LHPP: variants seen among roughly 807,000 people sequenced by gnomAD.
LHPP encodes hLHPP.
A neutral mutation model predicts 30.3 loss-of-function variants in LHPP; 24 were observed. That is an observed-to-expected ratio of 0.79 (90% CI 0.57 to 1.11). The LOEUF (loss-of-function observed/expected upper bound fraction) is 1.11, where lower values mean the gene tolerates loss of function less well. LHPP is among the 50% of genes most tolerant of loss of function. The probability of loss-of-function intolerance (pLI) is 0.00; values close to 1 mark genes in which losing one functional copy is unlikely to be tolerated. For missense variants in LHPP, 356 were observed against 367.2 expected (o/e 0.97, Z 0.25); for synonymous variants, 150 against 157.1 (o/e 0.95, Z 0.34).
At chr10:124,486,957 A>G (rs944054941) in intron 2 of LHPP, among the ~76,000 whole-genome samples, 2 of 152,220 alleles carry the variant, frequency 1.3e-5, no homozygotes, top group Admixed American at 6.5e-5. Context: ...GGTTTGAGCA[A>G]CCTAGTCCTG....
intron 1 of LHPP, among the ~76,000 whole-genome samples, chr10:124,474,337 G>A (rs891633087): frequency 2.0e-5 from 3 of 151,722 alleles, no homozygotes; most frequent in African/African-American, 7.3e-5. Flanking sequence ...ACAAGGTTTT[G>A]CCACGTTGCC....
rs1447397422 is a variant in LHPP at position 124,510,494 on chromosome 10, C to A, written c.625-6686C>A. Among the ~76,000 whole-genome samples the A allele has an allele frequency of 6.6e-6, 1 of 152,190 alleles. No individual in the cohort carries two copies. The highest frequency in any genetic ancestry group is 1.5e-5 in the Non-Finnish European group (1 of 68,022). On this transcript the variant is annotated intron_variant, in intron 5 of 6. Coordinates refer to ENST00000368842, the MANE Select transcript of LHPP (RefSeq NM_022126.4). The surrounding 1 kb of genome is among the most constrained non-coding windows in gnomAD (Gnocchi z 4.0). Reference sequence around the variant, plus strand: ...CTCGCTTTATCCCGCAGAACCTCCACGCTGTTCCTGCATGAGAACTCTTCC... The same window carrying A: ...CTCGCTTTATCCCGCAGAACCTCCAAGCTGTTCCTGCATGAGAACTCTTCC...
At chr10:124,528,721 C>G (rs1954807725) in intron 6 of LHPP, among the ~76,000 whole-genome samples, 1 of 152,220 alleles carries the variant, frequency 6.6e-6, no homozygotes, top group Non-Finnish European at 1.5e-5. Context: ...CCAACCCTGT[C>G]CTCTGTTAGT....
rs1295645433 is a variant in LHPP, at chr10:124,543,795, A to G, written c.716+26524A>G. 1.3e-4 allele frequency among the ~76,000 whole-genome samples: 19 copies of G among 151,978 alleles called. No individual in the cohort carries two copies. In the East Asian group the frequency reaches 3.5e-3, roughly 28 times the overall value. ...AATTAATATATTTTTTTTTCTGATA[A>G]TATAAGAAATGCATGCCTTCTTTGG... On this transcript the variant is annotated intron_variant, in intron 6 of 6. Coordinates refer to ENST00000368842, the MANE Select transcript of LHPP (RefSeq NM_022126.4).
intron 6 of LHPP, among the ~76,000 whole-genome samples, chr10:124,588,906 G>C (rs1461812069): frequency 6.6e-6 from 1 of 152,236 alleles, no homozygotes; most frequent in Non-Finnish European, 1.5e-5. Context: ...GAGGAAGGAA[G>C]GGCAAAGGTT....
chr10:124,561,958 G>A (rs1028908147), intron 6 of LHPP, among the ~76,000 whole-genome samples: 2 of 152,160 alleles, frequency 1.3e-5, no homozygotes, highest in Non-Finnish European at 2.9e-5. Flanking sequence ...GCTTCAACCA[G>A]CAATTGCAAA....
chr10:124,497,046 C>T lies in LHPP; in HGVS notation c.531+22C>T, dbSNP rs769052924. ...TGAGGTACCAGCCCTGGTTCTGTCC[C>T]AAACTCTCTTCAGACCTCAGGGCAC... is the stretch of plus-strand genomic sequence containing the variant. On this transcript the variant is annotated intron_variant, in intron 4 of 6. Coordinates refer to ENST00000368842, the MANE Select transcript of LHPP (RefSeq NM_022126.4). 2.5e-6 allele frequency: 4 copies of T among 1,606,590 alleles called. No individual in the cohort carries two copies. The Admixed American group carries it at 6.7e-5, about 27-fold the overall frequency.
At position 124,523,922 on chromosome 10, in the gene LHPP, C is replaced by G. The variant is rs548014342; in HGVS notation, c.716+6651C>G. 2.6e-5 allele frequency among the ~76,000 whole-genome samples: 4 copies of G among 152,146 alleles called. No homozygotes were observed. The highest frequency in any genetic ancestry group is 5.9e-5 in the Non-Finnish European group (4 of 68,040). On this transcript the variant is annotated intron_variant, in intron 6 of 6. Coordinates refer to ENST00000368842, the MANE Select transcript of LHPP (RefSeq NM_022126.4). This position sits in a 1 kb window ranked among gnomAD's most constrained non-coding sequence, Gnocchi z 4.2. ...CTCTCAGCAGCCCTCTGGTCCTGCC[C>G]GGGATAGAGGCTGTGGCTTCTGGTG...
rs957555182 is a variant in LHPP, at chr10:124,496,751, C to T, written c.468-210C>T. Among the ~76,000 whole-genome samples the T allele has an allele frequency of 2.0e-5, 3 of 152,244 alleles. No homozygotes were observed. Among genetic ancestry groups the T allele is most frequent in the African/African-American group, 4.8e-5 (2 of 41,474 alleles). The stretch of plus-strand genomic sequence containing the variant: ...GCATCCCTGGAGCTGCTGGCTGCTG[C>T]GCTCGCCCCACTGGGTGTGGCGGCC... On this transcript the variant is annotated intron_variant, in intron 3 of 6. Transcript: ENST00000368842. The surrounding 1 kb of genome is among the most constrained non-coding windows in gnomAD (Gnocchi z 4.3).
intron 6 of LHPP, among the ~76,000 whole-genome samples, chr10:124,559,273 G>A (rs1274194565): frequency 6.6e-6 from 1 of 152,264 alleles, no homozygotes; most frequent in Non-Finnish European, 1.5e-5. Flanking sequence ...TGAGTTTGAA[G>A]TTAGGAATGT....
intron 6 of LHPP, among the ~76,000 whole-genome samples, chr10:124,572,070 A>G (rs7083646): frequency 0.31 from 47,521 of 152,040 alleles, 7,492 homozygotes; most frequent in South Asian, 0.4. Flanking sequence ...CTGGAGGGGT[A>G]GGGGAAGCAT....
chr10:124,556,384 G>C (rs1948300378), intron 6 of LHPP, among the ~76,000 whole-genome samples: 1 of 152,246 alleles, frequency 6.6e-6, no homozygotes, highest in African/African-American at 2.4e-5. Context: ...GCTGCACCCT[G>C]CTCCCGCGTG....
Position 124,470,171 on chromosome 10 carries a change from C to T in LHPP, c.125+8184C>T, listed in dbSNP as rs200127510. Reference sequence around the variant, plus strand: ...CATTCAGAGGCAGGGCCCAGCACAGCGAGGGGTGCAGAGGCCGGCCTCGGG... The same window carrying T: ...CATTCAGAGGCAGGGCCCAGCACAGTGAGGGGTGCAGAGGCCGGCCTCGGG... On this transcript the variant is annotated intron_variant, in intron 1 of 6. Coordinates refer to ENST00000368842, the MANE Select transcript of LHPP (RefSeq NM_022126.4). Among the ~76,000 whole-genome samples the T allele has an allele frequency of 3.9e-5, 6 of 152,200 alleles. No individual in the cohort carries two copies. In the East Asian group the frequency reaches 5.8e-4, roughly 15 times the overall value.
intron 1 of LHPP, among the ~76,000 whole-genome samples, chr10:124,475,241 G>T (rs917372267): frequency 6.6e-6 from 1 of 151,588 alleles, no homozygotes; most frequent in South Asian, 2.1e-4. Flanking sequence ...CGCCATGTTG[G>T]CCAGGCTGGT....
chr10:124,506,496 G>A (rs558364477), intron 5 of LHPP, among the ~76,000 whole-genome samples: 15 of 151,690 alleles, frequency 9.9e-5, no homozygotes, highest in Admixed American at 3.9e-4. Context: ...GAACGGTTAC[G>A]GAGAACTCTA....
In LHPP at chr10:124,613,167, A is replaced by G; in HGVS notation, c.717-97A>G. On this transcript the variant is annotated intron_variant, in intron 6 of 6. Transcript: ENST00000368842. Reference sequence around the variant, plus strand: ...CTGGCAGGACCTGGAGGTTTCCTCAAGCTAAGGCCAGGCCCATGTTAGATG... The same window carrying G: ...CTGGCAGGACCTGGAGGTTTCCTCAGGCTAAGGCCAGGCCCATGTTAGATG... 6 of 968,110 alleles carry G rather than the reference A, an allele frequency of 6.2e-6. No homozygotes were observed. The South Asian group carries it at 6.5e-5, about 11-fold the overall frequency. The allele number at this position is 968,110 out of a possible 1,614,324, so 60.0% of individuals were successfully genotyped here.
chr10:124,498,858 G>T, intron 5 of LHPP: 1 of 273,322 alleles, frequency 3.7e-6, no homozygotes, highest in South Asian at 2.8e-5. Flanking sequence ...GGGACTACAG[G>T]TATATGCCAC....
chr10:124,531,188 C>G lies in LHPP; in HGVS notation c.716+13917C>G, dbSNP rs1210708859. Among the ~76,000 whole-genome samples the G allele has an allele frequency of 2.6e-5, 4 of 152,284 alleles. No individual in the cohort carries two copies. The East Asian group carries it at 5.8e-4, about 22-fold the overall frequency. On this transcript the variant is annotated intron_variant, in intron 6 of 6. Transcript: ENST00000368842. ...CTGGTGATGGAATTCCAGAGTCCTCCCAATTGCAAGGGCCTGAGGGATCCG... is the reference window on the plus strand; with the variant it reads ...CTGGTGATGGAATTCCAGAGTCCTCGCAATTGCAAGGGCCTGAGGGATCCG...
intron 5 of LHPP, chr10:124,498,882 C>CTT (rs565604598): frequency 1.6e-3 from 301 of 193,072 alleles, no homozygotes; most frequent in South Asian, 4.8e-3. Flanking sequence ...GCCTGGCAAA[C>CTT]TTTTTTTTTT....
Sources: gnomAD v4.1 joint callset for allele counts (sites outside exome capture counted in the v4.1 genomes callset) on GRCh38, gnomAD v4.1.1 for gene constraint, Gnocchi (gnomAD v3.1) non-coding constraint, MANE v1.5 for transcripts, NCBI Gene and HGNC (gene_info 2026-07-23, HGNC 2026-07-21) for gene names.